The following SYNE2 variants were observed in gnomAD, a reference collection of about 807,000 sequenced individuals.
SYNE2 encodes the protein spectrin repeat containing nuclear envelope protein 2, also known as nesprin-2.
A neutral mutation model predicts 856.3 loss-of-function variants in SYNE2; 431 were observed. The ratio of observed to expected loss-of-function variants is 0.50; its 90% CI spans 0.47 to 0.55. The LOEUF (loss-of-function observed/expected upper bound fraction) is 0.55, where lower values mean the gene tolerates loss of function less well. Ranked by LOEUF, SYNE2 falls within the 20% of genes least tolerant of loss-of-function variation. The probability of loss-of-function intolerance (pLI) is 0.00; values close to 1 mark genes in which losing one functional copy is unlikely to be tolerated. For missense variants in SYNE2, 8,129 were observed against 8,023.2 expected (o/e 1.01, Z -0.50); for synonymous variants, 2,923 against 2,872.3 (o/e 1.02, Z -0.56).
chr14:63,963,428 C>T (rs1003903578), intron 9 of SYNE2, among the ~76,000 whole-genome samples: 6 of 152,128 alleles, frequency 3.9e-5, no homozygotes, highest in African/African-American at 9.7e-5. Context: ...ACCACCTAAG[C>T]AAGAATCTAC....
chr14:63,913,766 G>A (rs1008801075), intron 2 of SYNE2, among the ~76,000 whole-genome samples: 3 of 145,316 alleles, frequency 2.1e-5, no homozygotes, highest in Non-Finnish European at 3.0e-5. Flanking sequence ...CTGGCCAGCA[G>A]TCCATATTTT....
At chr14:64,065,375 G>A (rs2097350934) in intron 50 of SYNE2, 57 bp from the exon 51 acceptor site, 1 of 1,472,730 alleles carries the variant, frequency 6.8e-7, no homozygotes, top group Non-Finnish European at 9.4e-7. Flanking sequence ...GAGTTAGTAA[G>A]TTTCAGGAAA....
At chr14:63,948,160 C>CACAG (rs1555393044) in intron 6 of SYNE2, among the ~76,000 whole-genome samples, 3 of 99,716 alleles carry the variant, frequency 3.0e-5, no homozygotes, top group African/African-American at 1.1e-4. Flanking sequence ...CACACAGACA[C>CACAG]ACACATACAC....
At chr14:63,849,151 C>T (rs1890323367), upstream of SYNE2, among the ~76,000 whole-genome samples, 1 of 152,094 alleles carries the variant, frequency 6.6e-6, no homozygotes, top group Non-Finnish European at 1.5e-5. Flanking sequence ...TAGCTATTTT[C>T]ATCCAGGTTT....
At chr14:64,135,242 A>G (rs2098077021) in intron 78 of SYNE2, among the ~76,000 whole-genome samples, 1 of 152,200 alleles carries the variant, frequency 6.6e-6, no homozygotes, top group African/African-American at 2.4e-5. Context: ...AGAGGCAGTT[A>G]TGAAATATCA....
intron 100 of SYNE2, 107 bp from the exon 101 acceptor site, chr14:64,208,651 G>GT: frequency 8.7e-7 from 1 of 1,150,970 alleles, no homozygotes; most frequent in Non-Finnish European, 1.3e-6. Flanking sequence ...ACCCAGGGAA[G>GT]TATCCCCTGA....
At chr14:63,788,457 G>T (rs1887619465) in intron 1 of SYNE2, among the ~76,000 whole-genome samples, 1 of 152,150 alleles carries the variant, frequency 6.6e-6, no homozygotes, top group South Asian at 2.1e-4. Flanking sequence ...GGGCAGGGCA[G>T]GGATCCTGCC....
intron 57 of SYNE2, among the ~76,000 whole-genome samples, chr14:64,082,647 G>A (rs1012890853): frequency 1.3e-5 from 2 of 152,182 alleles, no homozygotes; most frequent in South Asian, 4.1e-4. Flanking sequence ...AGATGGCACC[G>A]GACTGCATCC....
chr14:63,902,869 A>AT (rs993904505), intron 1 of SYNE2, among the ~76,000 whole-genome samples: 25 of 151,422 alleles, frequency 1.7e-4, no homozygotes, highest in Admixed American at 3.3e-4. Flanking sequence ...AATTTTTTTG[A>AT]TTTTTTTGTT....
At chr14:63,841,626 GT>G (rs1890067610) in intron 1 of SYNE2, among the ~76,000 whole-genome samples, 1 of 152,138 alleles carries the variant, frequency 6.6e-6, no homozygotes, top group African/African-American at 2.4e-5. Flanking sequence ...ACTTGAGAAT[GT>G]TTTTCCACAG....
In SYNE2 at chr14:64,163,526, T is replaced by G. The variant is rs1367375937; in HGVS notation, c.16424T>G (p.Leu5475Arg). The change falls in exon 89 of 116, where the codon CTC becomes CGC. Residue 5475 changes from leucine (L) to arginine (R), a missense_variant. Transcript: ENST00000555002. ...CTCCTCCCGGGCCCCCTGCACTCTC[T>G]CCAGAGGGCTGCTTATTTGGAAAAG... is the stretch of plus-strand genomic sequence containing the variant. Reference protein sequence around the residue: ...HMLLPGPLHSLQRAAYLEKML... With the variant: ...HMLLPGPLHSRQRAAYLEKML... The G allele has an allele frequency of 8.7e-6, 14 of 1,614,158 alleles. 1 individual carries two copies. The South Asian group carries it at 1.5e-4, about 18-fold the overall frequency.
intron 23 of SYNE2, among the ~76,000 whole-genome samples, chr14:63,995,693 G>A (rs1388795822): frequency 6.6e-6 from 1 of 151,704 alleles, no homozygotes; most frequent in East Asian, 1.9e-4. Flanking sequence ...CTCTCCCACT[G>A]TCAGTCTCTC....
At chr14:64,085,044 G>A in intron 57 of SYNE2, 1 of 701,856 alleles carries the variant, frequency 1.4e-6, no homozygotes, top group Non-Finnish European at 2.6e-6. Flanking sequence ...CCAAGAGAGT[G>A]AGAGAGAGCT....
intron 65 of SYNE2, among the ~76,000 whole-genome samples, chr14:64,110,420 A>T (rs2097796513): frequency 6.6e-6 from 1 of 152,206 alleles, no homozygotes; most frequent in African/African-American, 2.4e-5. Flanking sequence ...TAGATTCCAA[A>T]GTGTAGTGAA....
At chr14:63,962,944 G>A (rs1377561312) in intron 9 of SYNE2, among the ~76,000 whole-genome samples, 1 of 152,198 alleles carries the variant, frequency 6.6e-6, no homozygotes, top group Non-Finnish European at 1.5e-5. Context: ...TTGCTGAGCT[G>A]AAAAGAAACT....
chr14:64,024,449 C>CAGCT lies in SYNE2; in HGVS notation c.5832_5835dup (p.Leu1946AlafsTer7). ...AAAGGAGCTTGAAGACTCCTTGCAG[C>CAGCT]AGCTACTGAGGTAGGAAATAAAGAT... On this transcript the variant is annotated frameshift_variant, in exon 39 of 116. Coordinates refer to ENST00000555002, the MANE Select transcript of SYNE2 (RefSeq NM_182914.3). LOFTEE classifies it high-confidence loss of function. 1 of 1,613,802 alleles carries CAGCT rather than the reference C, an allele frequency of 6.2e-7. No homozygotes were observed. The highest frequency in any genetic ancestry group is 8.5e-7 in the Non-Finnish European group (1 of 1,179,794).
Position 64,002,874 on chromosome 14 carries a change from G to C in SYNE2, c.3941G>C (p.Arg1314Thr), listed in dbSNP as rs2096766355. ...ACACAATTTGAAGGAATGAACCACA[G>C]GGTGCAGAGGAGTGAAGATACTCTC... ...YKTQFEGMNH[R>T]VQRSEDTLKA... is the part of the protein sequence containing the mutation. Residue 1314 changes from arginine (R) to threonine (T), a missense_variant, in exon 30 of 116, where the codon AGG becomes ACG. This residue lies in a region of SYNE2 where 2,422 missense variants were observed against 2,357.4 expected (regional missense o/e 1.03). Coordinates refer to ENST00000555002, the MANE Select transcript of SYNE2 (RefSeq NM_182914.3). 2.5e-6 allele frequency: 4 copies of C among 1,614,078 alleles called. No individual in the cohort carries two copies.
At chr14:63,952,341 C>A (rs1018302135) in intron 7 of SYNE2, among the ~76,000 whole-genome samples, 1 of 152,226 alleles carries the variant, frequency 6.6e-6, no homozygotes. Context: ...AGCCGCCATC[C>A]TTTAGTTATT....
At chr14:64,121,184 G>T in intron 68 of SYNE2, 123 bp downstream of exon 68, 1 of 1,369,484 alleles carries the variant, frequency 7.3e-7, no homozygotes, top group Non-Finnish European at 1.0e-6. Flanking sequence ...GTGGCCAGGT[G>T]TTCGAGGCCA....
Sources: gnomAD v4.1 joint callset for allele counts (sites outside exome capture counted in the v4.1 genomes callset) on GRCh38, gnomAD v4.1.1 for gene constraint, gnomAD v4.1.1 regional missense constraint, MANE v1.5 for transcripts, NCBI Gene and HGNC (gene_info 2026-07-23, HGNC 2026-07-21) for gene names.